SGIP1: variants seen among roughly 807,000 people sequenced by gnomAD.
The protein encoded by SGIP1 is SH3GL interacting endocytic adaptor 1, also known as SH3-containing GRB2-like protein 3-interacting protein 1.
SGIP1 carries 38 observed loss-of-function variants against 107.5 expected under a neutral mutation model. The observed-to-expected ratio is 0.35, with a 90% confidence interval of 0.27 to 0.46. SGIP1 has a LOEUF of 0.46. Among genes scored for constraint, SGIP1 ranks in the 20% least tolerant of loss-of-function variants. The probability of loss-of-function intolerance (pLI) is 1.00; values close to 1 mark genes in which losing one functional copy is unlikely to be tolerated. For missense variants in SGIP1, 929 were observed against 1,019.5 expected, an observed-to-expected ratio of 0.91 and a Z score of 1.21; for synonymous variants, 365 against 366.1, an observed-to-expected ratio of 1.00 and a Z score of 0.03.
chr1:66,687,444 AC>A (rs1368335032), intron 15 of SGIP1, among the ~76,000 whole-genome samples: 1 of 151,998 alleles, frequency 6.6e-6, no homozygotes, highest in Non-Finnish European at 1.5e-5. Context: ...GTCAAAACAT[AC>A]CTTTTTTTTT....
At chr1:66,631,048 A>AAAGG (rs1358588483) in intron 2 of SGIP1, among the ~76,000 whole-genome samples, 6 of 33,890 alleles carry the variant, frequency 1.8e-4, no homozygotes, top group African/African-American at 3.7e-4. Flanking sequence ...AGAAAGGAAG[A>AAAGG]AAGAAAGAAA....
intron 1 of SGIP1, among the ~76,000 whole-genome samples, chr1:66,622,701 T>C (rs1045909786): frequency 1.2e-4 from 19 of 152,172 alleles, no homozygotes; most frequent in African/African-American, 4.1e-4. Flanking sequence ...GTGTTCTCAA[T>C]TCCATAGCTT....
intron 4 of SGIP1, among the ~76,000 whole-genome samples, chr1:66,636,711 T>C (rs1042119264): frequency 2.6e-5 from 4 of 152,150 alleles, no homozygotes; most frequent in East Asian, 3.9e-4. Flanking sequence ...TCTACCACAG[T>C]GGAGAAAAGA....
intron 9 of SGIP1, among the ~76,000 whole-genome samples, chr1:66,668,867 AG>A (rs2083163656): frequency 6.6e-6 from 1 of 152,238 alleles, no homozygotes; most frequent in Non-Finnish European, 1.5e-5. Context: ...AAGCATTGAA[AG>A]GGGGAAAATA....
chr1:66,742,564 G>A lies in SGIP1; in HGVS notation c.2465-509G>A, dbSNP rs1375903013. Among the ~76,000 whole-genome samples the A allele has an allele frequency of 2.1e-5, 3 of 140,414 alleles. No homozygotes were observed. In the East Asian group the frequency reaches 6.1e-4, roughly 29 times the overall value. 92.1% of individuals were successfully genotyped at this position (140,414 alleles called of 152,430 possible). ...GGCTCACTGCAAGCTCCGCCTCTTGGGTTCATGCCATTCTCCTGCCTCAGC... is the reference window on the plus strand; with the variant it reads ...GGCTCACTGCAAGCTCCGCCTCTTGAGTTCATGCCATTCTCCTGCCTCAGC... On this transcript the variant is annotated intron_variant, in intron 24 of 24. Coordinates refer to ENST00000371037, the MANE Select transcript of SGIP1 (RefSeq NM_032291.4).
chr1:66,633,381 G>C (rs2075182967), intron 3 of SGIP1, among the ~76,000 whole-genome samples: 2 of 152,122 alleles, frequency 1.3e-5, no homozygotes, highest in Middle Eastern at 3.2e-3. Flanking sequence ...CCCATCAACT[G>C]TTATTTCATT....
chr1:66,643,770 ATGT>A (rs2077175687), intron 7 of SGIP1, 51 bp downstream of exon 7: 1 of 1,513,488 alleles, frequency 6.6e-7, no homozygotes, highest in African/African-American at 1.4e-5. Context: ...GAACAGGGCT[ATGT>A]TCTGCCTATA....
intron 19 of SGIP1, among the ~76,000 whole-genome samples, chr1:66,725,444 T>G (rs558011674): frequency 3.3e-5 from 5 of 152,274 alleles, no homozygotes; most frequent in African/African-American, 1.2e-4. Flanking sequence ...TTAACATCAA[T>G]TTCCCCAGAA....
rs76660557 is a variant in SGIP1, at chr1:66,579,680, A to G, written c.10+45312A>G. ...CCTTGCCTTGGCTCCTTGTACCTAT[A>G]CTAATGGAAATAATCTTTGTTCATG... is the stretch of plus-strand genomic sequence containing the variant. On this transcript the variant is annotated intron_variant, in intron 1 of 24. Transcript: ENST00000371037. Among the ~76,000 whole-genome samples, 57 of 152,254 alleles carry G rather than the reference A, an allele frequency of 3.7e-4. 5 individuals are homozygous for G. The East Asian group carries it at 0.011, about 29-fold the overall frequency.
At chr1:66,542,171 A>G (rs932315925) in intron 1 of SGIP1, among the ~76,000 whole-genome samples, 7 of 152,034 alleles carry the variant, frequency 4.6e-5, no homozygotes, top group Admixed American at 4.6e-4. Context: ...CATAGATATC[A>G]ATCAGTAGGT....
intron 1 of SGIP1, among the ~76,000 whole-genome samples, chr1:66,589,212 A>ATGTGTGTGTGTG (rs1203908242): frequency 2.2e-5 from 2 of 89,762 alleles, no homozygotes; most frequent in African/African-American, 4.8e-5. Context: ...ATATATATAT[A>ATGTGTGTGTGTG]TATATGTAAG....
intron 2 of SGIP1, among the ~76,000 whole-genome samples, chr1:66,629,452 G>T (rs1163686784): frequency 1.3e-5 from 2 of 152,128 alleles, no homozygotes; most frequent in Non-Finnish European, 2.9e-5. Flanking sequence ...GTAACTTTCT[G>T]AAGGCTACCC....
At chr1:66,688,202 CG>C (rs1305591826) in intron 15 of SGIP1, among the ~76,000 whole-genome samples, 1 of 152,160 alleles carries the variant, frequency 6.6e-6, no homozygotes, top group Non-Finnish European at 1.5e-5. Flanking sequence ...GTGCTTCTAA[CG>C]GAAGTGACAA....
At chr1:66,591,822 G>A (rs2063688025) in intron 1 of SGIP1, among the ~76,000 whole-genome samples, 1 of 152,206 alleles carries the variant, frequency 6.6e-6, no homozygotes, top group Admixed American at 6.5e-5. Context: ...CAGTCAGCAG[G>A]AAAACGTGAG....
intron 4 of SGIP1, among the ~76,000 whole-genome samples, chr1:66,637,649 C>G (rs2076047760): frequency 6.6e-6 from 1 of 151,760 alleles, no homozygotes. Context: ...GAAATTTTCA[C>G]TCTGCCTAGA....
In SGIP1 at chr1:66,695,465, C is replaced by A. The variant is rs779281923; in HGVS notation, c.1602C>A (p.Asp534Glu). Residue 534 changes from aspartate (D) to glutamate (E), a missense_variant, in exon 18 of 25, where the codon GAC becomes GAA. Asp to Glu is a conservative substitution (Grantham distance 45). Coordinates refer to ENST00000371037, the MANE Select transcript of SGIP1 (RefSeq NM_032291.4). ...ENEQPSLVWFDRGKFYLTFEG... is the reference protein window; with the variant it reads ...ENEQPSLVWFERGKFYLTFEG... ...AACAGCCTTCCCTCGTTTGGTTTGA[C>A]AGAGGAAAGTTTTATTTGACTTTTG... The A allele has an allele frequency of 1.9e-5, 30 of 1,613,956 alleles. No homozygotes were observed. The highest frequency in any genetic ancestry group is 2.5e-5 in the Non-Finnish European group (29 of 1,179,974).
rs79082555 is a variant in SGIP1 at position 66,651,053 on chromosome 1, G to C, written c.459+7334G>C. On this transcript the variant is annotated intron_variant, in intron 7 of 24. Coordinates refer to ENST00000371037, the MANE Select transcript of SGIP1 (RefSeq NM_032291.4). ...ATACTGCCCACTTCATAGGATATTT[G>C]TAAGAATTAAGGAATGCATATAAGG... is the stretch of plus-strand genomic sequence containing the variant. Among the ~76,000 whole-genome samples the C allele has an allele frequency of 5.2e-3, 799 of 152,286 alleles. 10 individuals carry two copies. The highest frequency in any genetic ancestry group is 0.018 in the African/African-American group (736 of 41,546).
chr1:66,659,142 T>A (rs2080380909), intron 7 of SGIP1, among the ~76,000 whole-genome samples: 1 of 152,190 alleles, frequency 6.6e-6, no homozygotes, highest in Non-Finnish European at 1.5e-5. Context: ...AGGAGGTTTT[T>A]TAAGGGCAGA....
chr1:66,729,175 G>A, intron 19 of SGIP1, 89 bp from the exon 20 acceptor site: 3 of 1,422,144 alleles, frequency 2.1e-6, no homozygotes, highest in Non-Finnish European at 2.9e-6. Flanking sequence ...ATTTAACATT[G>A]CCTCATAAAT....
Sources: allele counts gnomAD v4.1 joint callset (sites outside exome capture counted in the v4.1 genomes callset), GRCh38; gene constraint gnomAD v4.1.1; transcripts MANE v1.5; gene names NCBI Gene and HGNC (gene_info 2026-07-23, HGNC 2026-07-21).